The following PTPDC1 variants were observed in gnomAD, a reference collection of about 807,000 sequenced individuals.
PTPDC1 encodes the protein protein tyrosine phosphatase domain containing 1.
Under a neutral mutation model 75.3 loss-of-function variants are expected in PTPDC1, and 53 were observed. The observed-to-expected ratio is 0.70, with a 90% CI of 0.56 to 0.88. The LOEUF (loss-of-function observed/expected upper bound fraction) is 0.88. PTPDC1 is among the 40% of genes least tolerant of loss of function. The pLI is 0.00. For missense variants in PTPDC1, 925 were observed against 998.6 expected (o/e 0.93, Z 0.99); for synonymous variants, 349 against 366.2 (o/e 0.95, Z 0.54).
At chr9:94,042,587 A>G (rs909945556) in intron 1 of PTPDC1, among the ~76,000 whole-genome samples, 1 of 152,218 alleles carries the variant, frequency 6.6e-6, no homozygotes, top group Non-Finnish European at 1.5e-5. Context: ...GCCTCCAGTG[A>G]GTTGTAATCT....
Position 94,097,613 on chromosome 9 carries a change from G to A in PTPDC1, c.1047G>A (p.Leu349=), listed in dbSNP as rs1827643200. ...VPKIIHLVCK[L]LLDLAENRPV... is the part of the protein sequence containing the mutation. ...AAATTATCCACCTAGTTTGCAAATTGCTGCTGGACTTAGCGGAGAACAGGC... is the reference window on the plus strand; with the variant it reads ...AAATTATCCACCTAGTTTGCAAATTACTGCTGGACTTAGCGGAGAACAGGC... The change falls in exon 6 of 9, where the codon TTG becomes TTA. Residue 349 remains leucine (L), a synonymous_variant. Transcript: ENST00000620992. The A allele has an allele frequency of 6.2e-7, 1 of 1,613,946 alleles. No individual in the cohort carries two copies. Among genetic ancestry groups the A allele is most frequent in the Non-Finnish European group, 8.5e-7 (1 of 1,180,032 alleles).
At chr9:94,099,726 A>G (rs1827768360) in intron 6 of PTPDC1, among the ~76,000 whole-genome samples, 1 of 152,240 alleles carries the variant, frequency 6.6e-6, no homozygotes, top group African/African-American at 2.4e-5. Context: ...CTGTGTGTTA[A>G]GAGTTAGCAA....
rs948351586 is a variant in PTPDC1, at chr9:94,109,662, G to A, written c.*1718G>A. Reference sequence around the variant, plus strand: ...CCTCATTTGGGCAAGTGACCCACAGGTCTTTTGGCGAGTTTGCTATTTGCC... The same window carrying A: ...CCTCATTTGGGCAAGTGACCCACAGATCTTTTGGCGAGTTTGCTATTTGCC... On this transcript the variant is annotated 3_prime_UTR_variant, in exon 9 of 9. Transcript: ENST00000620992. The A allele has an allele frequency of 6.6e-6, 1 of 152,150 alleles. No homozygotes were observed. The highest frequency in any genetic ancestry group is 2.4e-5 in the African/African-American group (1 of 41,428). 9.4% of individuals were successfully genotyped at this position (152,150 alleles called of 1,614,324 possible). A position where few individuals can be genotyped will look rare whatever the true frequency, so the allele number is the denominator to read the frequency against.
At chr9:94,038,468 G>A (rs563860159) in intron 1 of PTPDC1, 49 of 286,650 alleles carry the variant, frequency 1.7e-4, no homozygotes, top group Non-Finnish European at 2.7e-4. Flanking sequence ...TTATTGGGCC[G>A]TCCTGATTTA....
At chr9:94,038,068 G>C in intron 1 of PTPDC1, 1 of 524,862 alleles carries the variant, frequency 1.9e-6, no homozygotes, top group Non-Finnish European at 3.6e-6. Flanking sequence ...TTTTTGTTCA[G>C]AAGTGTGCCC....
In PTPDC1 at chr9:94,091,186, T is replaced by A. The variant is rs765478955; in HGVS notation, c.616+2923T>A. Among the ~76,000 whole-genome samples the A allele has an allele frequency of 1.8e-3, 278 of 151,696 alleles. 1 individual carries two copies. The highest frequency in any genetic ancestry group is 5.8e-3 in the African/African-American group (239 of 41,404). ...GTTTTCAAAGGGAATGCTTCCAGTT[T>A]TTGCCCATTCAGTATGATATTGGCT... On this transcript the variant is annotated intron_variant, in intron 4 of 8. Coordinates refer to ENST00000620992, the MANE Select transcript of PTPDC1 (RefSeq NM_001253829.2).
At chr9:94,055,116 T>A (rs1825894410) in intron 1 of PTPDC1, among the ~76,000 whole-genome samples, 1 of 152,262 alleles carries the variant, frequency 6.6e-6, no homozygotes. Context: ...TTGTAAATTT[T>A]ATTATTTAAT....
upstream of PTPDC1, among the ~76,000 whole-genome samples, chr9:94,084,218 T>C (rs10993047): frequency 0.25 from 37,350 of 152,070 alleles, 4,917 homozygotes; most frequent in Admixed American, 0.3. Context: ...TTTTGGGGAG[T>C]AATTCTTTGG....
chr9:94,053,685 C>T (rs988267166), intron 1 of PTPDC1, among the ~76,000 whole-genome samples: 1 of 152,146 alleles, frequency 6.6e-6, no homozygotes, highest in African/African-American at 2.4e-5. Context: ...ATCATGCATC[C>T]GTATCAAGCC....
At chr9:94,107,504 C>T (rs1828064842) in intron 8 of PTPDC1, among the ~76,000 whole-genome samples, 1 of 152,192 alleles carries the variant, frequency 6.6e-6, no homozygotes, top group East Asian at 1.9e-4. Flanking sequence ...ATATGGGAAA[C>T]TTTTCTCTTA....
intron 5 of PTPDC1, among the ~76,000 whole-genome samples, chr9:94,095,677 A>T (rs1438861702): frequency 6.6e-6 from 1 of 152,224 alleles, no homozygotes; most frequent in African/African-American, 2.4e-5. Context: ...TGTTCCCAAC[A>T]CAAATGCATG....
intron 1 of PTPDC1, among the ~76,000 whole-genome samples, chr9:94,040,325 C>T (rs1825393657): frequency 6.6e-6 from 1 of 152,298 alleles, no homozygotes; most frequent in Middle Eastern, 3.4e-3. Context: ...TTTTATGTGA[C>T]ATCCTCTTTA....
chr9:94,056,539 G>A (rs564911380), intron 1 of PTPDC1, among the ~76,000 whole-genome samples: 1 of 152,312 alleles, frequency 6.6e-6, no homozygotes, highest in East Asian at 1.9e-4. Context: ...GAGTTAGAGA[G>A]CTAGTGCTGT....
rs527666097 is a variant in PTPDC1 at position 94,046,754 on chromosome 9, A to G, written c.-7+15627A>G. Among the ~76,000 whole-genome samples the G allele has an allele frequency of 6.7e-4, 102 of 152,266 alleles. No individual in the cohort carries two copies. In the Middle Eastern group the frequency reaches 0.017, roughly 26 times the overall value. The stretch of plus-strand genomic sequence containing the variant: ...CTTAAGGAGATTTTGGGCTGAGACA[A>G]TGGGGTTTTCTAGATATACAATCAT... On this transcript the variant is annotated intron_variant, in intron 1 of 9. Coordinates refer to the PTPDC1 transcript ENST00000375360.
intron 2 of PTPDC1, among the ~76,000 whole-genome samples, chr9:94,071,070 G>C (rs1190730403): frequency 1.3e-5 from 2 of 152,092 alleles, no homozygotes; most frequent in Non-Finnish European, 2.9e-5. Context: ...TTGCATGTTT[G>C]ACTTTATATG....
At chr9:94,073,763 A>G (rs2117915854) in intron 2 of PTPDC1, among the ~76,000 whole-genome samples, 1 of 152,168 alleles carries the variant, frequency 6.6e-6, no homozygotes, top group South Asian at 2.1e-4. Context: ...CTTTACCACC[A>G]TCTTATATAT....
chr9:94,070,979 T>C lies in PTPDC1; in HGVS notation c.82+6158T>C, dbSNP rs115598586. ...TGAATAAAGCTGCTGTAAACATTCA[T>C]GTACAGATTTTTGTGTGTAGATGGG... On this transcript the variant is annotated intron_variant, in intron 2 of 9. Transcript: ENST00000375360. 4.3e-3 allele frequency among the ~76,000 whole-genome samples: 656 copies of C among 152,332 alleles called. 6 individuals are homozygous for C. The highest frequency in any genetic ancestry group is 0.015 in the African/African-American group (617 of 41,566).
intron 2 of PTPDC1, among the ~76,000 whole-genome samples, chr9:94,068,078 T>G (rs1403625122): frequency 1.3e-5 from 2 of 152,198 alleles, no homozygotes; most frequent in Admixed American, 1.3e-4. Context: ...CAGATTTTTT[T>G]TAATTAACAA....
rs368748771 is a variant in PTPDC1, at chr9:94,097,339, A to G, written c.773A>G (p.Tyr258Cys). 6.2e-7 allele frequency: 1 copy of G among 1,608,104 alleles called. No homozygotes were observed. Among genetic ancestry groups the G allele is most frequent in the Non-Finnish European group, 8.5e-7 (1 of 1,176,054 alleles). The change falls in exon 6 of 9, where the codon TAC becomes TGC. Residue 258 changes from tyrosine (Y) to cysteine (C), a missense_variant. Tyr to Cys is a radical substitution (Grantham distance 194). Coordinates refer to ENST00000620992, the MANE Select transcript of PTPDC1 (RefSeq NM_001253829.2). Reference sequence around the variant, plus strand: ...TGTTTAGGTGTTTTAATAGCCTGTTACTTAGTTTTTGCAACGAGAATGACT... The same window carrying G: ...TGTTTAGGTGTTTTAATAGCCTGTTGCTTAGTTTTTGCAACGAGAATGACT... ...LGRTGVLIAC[Y>C]LVFATRMTAD... is the part of the protein sequence containing the mutation.
Sources: gnomAD v4.1 joint callset for allele counts (sites outside exome capture counted in the v4.1 genomes callset) on GRCh38, gnomAD v4.1.1 for gene constraint, MANE v1.5 for transcripts, NCBI Gene and HGNC (gene_info 2026-07-23, HGNC 2026-07-21) for gene names.